The following THSD7A variants were observed in gnomAD, a reference collection of about 807,000 sequenced individuals.
THSD7A encodes thrombospondin type-1 domain-containing protein 7A.
THSD7A carries 96 observed loss-of-function variants against 231.3 expected under a neutral mutation model. The ratio of observed to expected loss-of-function variants is 0.41; its 90% CI spans 0.35 to 0.49. The LOEUF is 0.49. Among genes scored for constraint, THSD7A ranks in the 20% least tolerant of loss-of-function variants. The probability of loss-of-function intolerance (pLI) is 0.05; values close to 1 mark genes in which losing one functional copy is unlikely to be tolerated. For synonymous variants in THSD7A, 940 were observed against 743.3 expected (o/e 1.26, Z -4.30); for missense variants, 2,290 against 2,070.2 (o/e 1.11, Z -2.06).
intron 6 of THSD7A, among the ~76,000 whole-genome samples, chr7:11,485,997 A>C (rs1786641093): frequency 6.6e-6 from 1 of 152,216 alleles, no homozygotes; most frequent in Non-Finnish European, 1.5e-5. Context: ...CTTCTTTTTA[A>C]GCTAAATCTT....
At chr7:11,747,571 C>T (rs763845134) in intron 1 of THSD7A, among the ~76,000 whole-genome samples, 17 of 151,828 alleles carry the variant, frequency 1.1e-4, no homozygotes, top group Admixed American at 2.0e-4. Flanking sequence ...GTACAGTACA[C>T]GTCAAGCTCT....
intron 1 of THSD7A, among the ~76,000 whole-genome samples, chr7:11,779,620 C>T (rs982547788): frequency 1.3e-5 from 2 of 152,140 alleles, no homozygotes; most frequent in Non-Finnish European, 2.9e-5. Context: ...TGTATTTATT[C>T]AATGTTAAGT....
At chr7:11,527,437 T>A (rs1348977570) in intron 6 of THSD7A, among the ~76,000 whole-genome samples, 1 of 152,120 alleles carries the variant, frequency 6.6e-6, no homozygotes, top group Non-Finnish European at 1.5e-5. Context: ...CACTCCACTG[T>A]CTCTCTGTTG....
chr7:11,379,969 T>A (rs892122360), intron 24 of THSD7A, among the ~76,000 whole-genome samples: 3 of 152,288 alleles, frequency 2.0e-5, no homozygotes, highest in Middle Eastern at 3.4e-3. Flanking sequence ...AGAATGATTT[T>A]ATAGCTGCTA....
At chr7:11,721,882 G>C (rs771667406) in intron 1 of THSD7A, among the ~76,000 whole-genome samples, 1 of 151,686 alleles carries the variant, frequency 6.6e-6, no homozygotes, top group Non-Finnish European at 1.5e-5. Context: ...ACTTCATTTG[G>C]AATCTTCCTC....
intron 2 of THSD7A, among the ~76,000 whole-genome samples, chr7:11,615,100 A>C (rs760637594): frequency 2.0e-5 from 3 of 152,196 alleles, no homozygotes; most frequent in Non-Finnish European, 2.9e-5. Flanking sequence ...ACAGGCTGGA[A>C]AGATGCAGAC....
At position 11,428,937 on chromosome 7, in the gene THSD7A, T is replaced by C. The variant is rs376913093; in HGVS notation, c.3243+10A>G. 172 of 1,599,578 alleles carry C rather than the reference T, an allele frequency of 1.1e-4. 1 individual carries two copies. Among genetic ancestry groups the C allele is most frequent in the African/African-American group, 1.3e-4 (10 of 74,132 alleles). On this transcript the variant is annotated intron_variant, in intron 14 of 27. Transcript: ENST00000423059. Reference sequence around the variant, plus strand: ...AACAATATCTTAACACTGTCAATGATAGAAAATACCTGGTTGACATGGTCC... The same window carrying C: ...AACAATATCTTAACACTGTCAATGACAGAAAATACCTGGTTGACATGGTCC...
chr7:11,747,630 A>C (rs991343309), intron 1 of THSD7A, among the ~76,000 whole-genome samples: 6 of 151,892 alleles, frequency 4.0e-5, no homozygotes, highest in Admixed American at 3.9e-4. Flanking sequence ...TCTACCTGTA[A>C]AAAAATGACT....
intron 1 of THSD7A, among the ~76,000 whole-genome samples, chr7:11,801,367 AAAGT>A (rs1784270891): frequency 6.6e-6 from 1 of 152,084 alleles, no homozygotes; most frequent in Non-Finnish European, 1.5e-5. Context: ...TCTAAGGACC[AAAGT>A]AAGTCTTTTA....
At chr7:11,701,017 A>G (rs1467628947) in intron 1 of THSD7A, among the ~76,000 whole-genome samples, 3 of 151,324 alleles carry the variant, frequency 2.0e-5, no homozygotes, top group African/African-American at 7.3e-5. Flanking sequence ...ATACTAGTTT[A>G]AAAGAAAATG....
At chr7:11,738,209 T>A (rs1375716254) in intron 1 of THSD7A, among the ~76,000 whole-genome samples, 2 of 152,012 alleles carry the variant, frequency 1.3e-5, no homozygotes, top group African/African-American at 4.8e-5. Context: ...ATTGGCACTA[T>A]ATTGATTGAG....
At chr7:11,797,670 C>T (rs916563654) in intron 1 of THSD7A, among the ~76,000 whole-genome samples, 7 of 152,004 alleles carry the variant, frequency 4.6e-5, no homozygotes, top group South Asian at 4.1e-4. Context: ...CCTCCCACCT[C>T]GGCCTCCTAA....
chr7:11,619,737 T>C (rs1304521612), intron 2 of THSD7A, among the ~76,000 whole-genome samples: 1 of 152,116 alleles, frequency 6.6e-6, no homozygotes, highest in Non-Finnish European at 1.5e-5. Context: ...TACATACTTT[T>C]AAAATGATAG....
chr7:11,423,979 G>C (rs925916573), intron 16 of THSD7A, among the ~76,000 whole-genome samples: 2 of 152,050 alleles, frequency 1.3e-5, no homozygotes, highest in African/African-American at 2.4e-5. Flanking sequence ...TTTATTAAGG[G>C]GATAGACATG....
intron 1 of THSD7A, among the ~76,000 whole-genome samples, chr7:11,716,520 G>A (rs1781142940): frequency 6.6e-6 from 1 of 151,592 alleles, no homozygotes; most frequent in Admixed American, 6.6e-5. Context: ...CTACTTTATT[G>A]TTCTTGGTTC....
At position 11,374,473 on chromosome 7, in the gene THSD7A, G is replaced by T. The variant is rs1782183987; in HGVS notation, c.*1321C>A. 1 of 152,056 alleles carries T rather than the reference G, an allele frequency of 6.6e-6. No individual in the cohort carries two copies. The highest frequency in any genetic ancestry group is 2.4e-5 in the African/African-American group (1 of 41,412). 9.4% of individuals were successfully genotyped at this position (152,056 alleles called of 1,614,324 possible). A position where few individuals can be genotyped will look rare whatever the true frequency, so the allele number is the denominator to read the frequency against. ...AAAGACTATGGATTTTGAAATAACT[G>T]CCTGCAAGACAGACATTCAATCTGA... On this transcript the variant is annotated 3_prime_UTR_variant, in exon 28 of 28. Coordinates refer to ENST00000423059, the MANE Select transcript of THSD7A (RefSeq NM_015204.3).
intron 17 of THSD7A, among the ~76,000 whole-genome samples, chr7:11,416,996 T>TG (rs1201993393): frequency 6.6e-6 from 1 of 152,232 alleles, no homozygotes; most frequent in Non-Finnish European, 1.5e-5. Context: ...TTAATACCCC[T>TG]GCTGCTGTAT....
At chr7:11,437,591 T>G (rs916656714) in intron 13 of THSD7A, among the ~76,000 whole-genome samples, 4 of 152,210 alleles carry the variant, frequency 2.6e-5, no homozygotes, top group Middle Eastern at 3.4e-3. Context: ...AAATCTGAAA[T>G]GCATTAGACA....
intron 1 of THSD7A, among the ~76,000 whole-genome samples, chr7:11,758,945 G>T (rs555313522): frequency 6.6e-6 from 1 of 152,190 alleles, no homozygotes; most frequent in South Asian, 2.1e-4. Context: ...AAATTGTTCT[G>T]CAGGCTGTAG....
Sources: gnomAD v4.1 joint callset for allele counts (sites outside exome capture counted in the v4.1 genomes callset) on GRCh38, gnomAD v4.1.1 for gene constraint, MANE v1.5 for transcripts, NCBI Gene and HGNC (gene_info 2026-07-23, HGNC 2026-07-21) for gene names.